The following C1QL3 variants were observed in gnomAD, a reference collection of about 807,000 sequenced individuals.
The protein encoded by C1QL3 is complement C1q like 3.
A neutral mutation model predicts 16.6 loss-of-function variants in C1QL3; 4 were observed. The observed-to-expected ratio is 0.24, with a 90% CI of 0.12 to 0.55. The LOEUF is 0.55. Among genes scored for constraint, C1QL3 ranks in the 20% least tolerant of loss-of-function variants. The pLI is 0.94. For missense variants in C1QL3, 269 were observed against 365.6 expected (o/e 0.74, Z 2.16); for synonymous variants, 189 against 160.2 (o/e 1.18, Z -1.36).
In C1QL3 at chr10:16,514,479, T is replaced by A. The variant is rs1372755383; in HGVS notation, c.*49A>T. The A allele has an allele frequency of 6.5e-7, 1 of 1,527,068 alleles. No homozygotes were observed. The highest frequency in any genetic ancestry group is 1.4e-5 in the African/African-American group (1 of 73,028). The allele number at this position is 1,527,068 out of a possible 1,614,324, so 94.6% of individuals were successfully genotyped here. ...ATCCTTGATTCACTGACGTTAGCCA[T>A]ACGAATCCAGTGTTCAAACTCAGAA... On this transcript the variant is annotated 3_prime_UTR_variant, in exon 2 of 2. Transcript: ENST00000298943.
Position 16,521,648 on chromosome 10 carries a change from C to CT in C1QL3, c.-584dup, listed in dbSNP as rs1837045961. 1 of 152,240 alleles carries CT rather than the reference C, an allele frequency of 6.6e-6. No homozygotes were observed. The highest frequency in any genetic ancestry group is 2.4e-5 in the African/African-American group (1 of 41,360). 9.4% of individuals were successfully genotyped at this position (152,240 alleles called of 1,614,324 possible). A position where few individuals can be genotyped will look rare whatever the true frequency, so the allele number is the denominator to read the frequency against. ...TTATTGCCTCCTTTCTCTCTTCCTCCTTTGCCACCACCACAACTCGAATAG... is the reference window on the plus strand; with the variant it reads ...TTATTGCCTCCTTTCTCTCTTCCTCCTTTTGCCACCACCACAACTCGAATAG... On this transcript the variant is annotated 5_prime_UTR_variant, in exon 1 of 2. Coordinates refer to ENST00000298943, the MANE Select transcript of C1QL3 (RefSeq NM_001010908.2).
rs1343749413 is a variant in C1QL3 at position 16,521,316 on chromosome 10, G to A, written c.-251C>T. ...GGAGCGCGGGCGCCCAGTGACTTGA[G>A]CCGAAGTCCCGAGCCCGGGGTGGGG... is the stretch of plus-strand genomic sequence containing the variant. On this transcript the variant is annotated 5_prime_UTR_variant, in exon 1 of 2. Coordinates refer to ENST00000298943, the MANE Select transcript of C1QL3 (RefSeq NM_001010908.2). The A allele has an allele frequency of 2.3e-6, 1 of 427,340 alleles. No homozygotes were observed. The highest frequency in any genetic ancestry group is 4.1e-6 in the Non-Finnish European group (1 of 242,378). 26.5% of individuals were successfully genotyped at this position (427,340 alleles called of 1,614,324 possible). A position where few individuals can be genotyped will look rare whatever the true frequency, so the allele number is the denominator to read the frequency against.
Position 16,521,004 on chromosome 10 carries a change from T to C in C1QL3, c.62A>G (p.His21Arg), listed in dbSNP as rs758693983. The C allele has an allele frequency of 6.3e-7, 1 of 1,597,954 alleles. No homozygotes were observed. The highest frequency in any genetic ancestry group is 8.5e-7 in the Non-Finnish European group (1 of 1,177,966). Reference protein sequence around the residue: ...VLVSSAGTSAHYEMLGTCRMV... With the variant: ...VLVSSAGTSARYEMLGTCRMV... Reference sequence around the variant, plus strand: ...GCGGCAGGTGCCCAGCATCTCGTAGTGCGCCGACGTGCCGGCCGAGCTCAC... The same window carrying C: ...GCGGCAGGTGCCCAGCATCTCGTAGCGCGCCGACGTGCCGGCCGAGCTCAC... The change falls in exon 1 of 2, where the codon CAC becomes CGC. Residue 21 changes from histidine (H) to arginine (R), a missense_variant. By Grantham distance (29) the His-to-Arg change is conservative. Around this residue, in one of 2 missense-constraint regions of C1QL3, gnomAD observed 246 missense variants for 297.2 expected, o/e 0.83. Coordinates refer to ENST00000298943, the MANE Select transcript of C1QL3 (RefSeq NM_001010908.2).
rs1588642263 is a variant in C1QL3, at chr10:16,520,352, T to C, written c.588+126A>G. 1 of 740,726 alleles carries C rather than the reference T, an allele frequency of 1.4e-6. No individual in the cohort carries two copies. The highest frequency in any genetic ancestry group is 2.1e-6 in the Non-Finnish European group (1 of 470,586). The allele number at this position is 740,726 out of a possible 1,614,324, so 45.9% of individuals were successfully genotyped here. On this transcript the variant is annotated intron_variant, in intron 1 of 1. Coordinates refer to ENST00000298943, the MANE Select transcript of C1QL3 (RefSeq NM_001010908.2). This position sits in a 1 kb window ranked among gnomAD's most constrained non-coding sequence, Gnocchi z 8.3. Reference sequence around the variant, plus strand: ...GGACGGCGTCCCCCCTTGCCGTCGCTCCAGGGAGCCCGGCCGCCGCGCCCT... The same window carrying C: ...GGACGGCGTCCCCCCTTGCCGTCGCCCCAGGGAGCCCGGCCGCCGCGCCCT...
Position 16,514,350 on chromosome 10 carries a change from T to C in C1QL3, c.*178A>G. 1 of 597,624 alleles carries C rather than the reference T, an allele frequency of 1.7e-6. No individual in the cohort carries two copies. Among genetic ancestry groups the C allele is most frequent in the Non-Finnish European group, 3.0e-6 (1 of 338,978 alleles). The allele number at this position is 597,624 out of a possible 1,614,324, so 37.0% of individuals were successfully genotyped here. A position where few individuals can be genotyped will look rare whatever the true frequency, so the allele number is the denominator to read the frequency against. ...CACACATCTGCTTATCTTGCTTTGA[T>C]ATTTTTTACATAATGTTTCTGAGTG... On this transcript the variant is annotated 3_prime_UTR_variant, in exon 2 of 2. Transcript: ENST00000298943.
Position 16,520,882 on chromosome 10 carries a change from G to A in C1QL3, c.184C>T (p.Pro62Ser). Residue 62 changes from proline (P) to serine (S), a missense_variant, in exon 1 of 2, where the codon CCC (proline) becomes TCC (serine). Coordinates refer to ENST00000298943, the MANE Select transcript of C1QL3 (RefSeq NM_001010908.2). This position sits in a 1 kb window ranked among gnomAD's most constrained non-coding sequence, Gnocchi z 8.3. Reference sequence around the variant, plus strand: ...CCGGGCCTGCCGGCCTCGCCTTTGGGGCCCTGGATGAAGGTGGGCAGGGAC... The same window carrying A: ...CCGGGCCTGCCGGCCTCGCCTTTGGAGCCCTGGATGAAGGTGGGCAGGGAC... The part of the protein sequence containing the change: ...MQSLPTFIQG[P>S]KGEAGRPGKA... 1 of 1,508,084 alleles carries A rather than the reference G, an allele frequency of 6.6e-7. No homozygotes were observed. The highest frequency in any genetic ancestry group is 8.8e-7 in the Non-Finnish European group (1 of 1,135,056). 93.4% of individuals were successfully genotyped at this position (1,508,084 alleles called of 1,614,324 possible).
chr10:16,515,526 C>G (rs932063792), intron 1 of C1QL3, among the ~76,000 whole-genome samples: 1 of 152,142 alleles, frequency 6.6e-6, no homozygotes, highest in Non-Finnish European at 1.5e-5. Context: ...TCCACTTACA[C>G]TTAGGAGATT....
In C1QL3 at chr10:16,514,717, A is replaced by G; in HGVS notation, c.589-10T>C. ...TTGCACTAGCACGCACCTATGTGAA[A>G]CAGACAAGAATTAGGATGCGTAAAT... On this transcript the variant is annotated splice_polypyrimidine_tract_variant and intron_variant, in intron 1 of 1. Transcript: ENST00000298943. 1 of 1,599,500 alleles carries G rather than the reference A, an allele frequency of 6.3e-7. No homozygotes were observed. The highest frequency in any genetic ancestry group is 8.5e-7 in the Non-Finnish European group (1 of 1,173,134).
chr10:16,519,125 C>T (rs1256771395), intron 1 of C1QL3, among the ~76,000 whole-genome samples: 1 of 45,336 alleles, frequency 2.2e-5, no homozygotes, highest in Non-Finnish European at 4.3e-5. Flanking sequence ...TTTTTTCTCT[C>T]TTACGCATTT....
chr10:16,520,929 G>C lies in C1QL3; in HGVS notation c.137C>G (p.Thr46Arg), dbSNP rs1239493073. ...GGTKAPSTAA[T>R]PDRGLMQSLP... Reference sequence around the variant, plus strand: ...GGACTGCATGAGGCCGCGGTCGGGCGTGGCAGCGGTGCTGGGCGCCTTGGT... The same window carrying C: ...GGACTGCATGAGGCCGCGGTCGGGCCTGGCAGCGGTGCTGGGCGCCTTGGT... The change falls in exon 1 of 2, where the codon ACG becomes AGG. Residue 46 changes from threonine to arginine, a missense_variant. By Grantham distance (71) the Thr-to-Arg change is moderately conservative. Transcript: ENST00000298943. The surrounding 1 kb of genome is among the most constrained non-coding windows in gnomAD (Gnocchi z 8.3). 6.4e-7 allele frequency: 1 copy of C among 1,565,818 alleles called. No individual in the cohort carries two copies. Among genetic ancestry groups the C allele is most frequent in the Admixed American group, 1.8e-5 (1 of 55,044 alleles).
In C1QL3 at chr10:16,521,317, C is replaced by T; in HGVS notation, c.-252G>A. 1 of 425,498 alleles carries T rather than the reference C, an allele frequency of 2.4e-6. No homozygotes were observed. Among genetic ancestry groups the T allele is most frequent in the Non-Finnish European group, 4.1e-6 (1 of 241,010 alleles). 26.4% of individuals were successfully genotyped at this position (425,498 alleles called of 1,614,324 possible). On this transcript the variant is annotated 5_prime_UTR_variant, in exon 1 of 2. Coordinates refer to ENST00000298943, the MANE Select transcript of C1QL3 (RefSeq NM_001010908.2). ...GAGCGCGGGCGCCCAGTGACTTGAGCCGAAGTCCCGAGCCCGGGGTGGGGG... is the reference window on the plus strand; with the variant it reads ...GAGCGCGGGCGCCCAGTGACTTGAGTCGAAGTCCCGAGCCCGGGGTGGGGG...
At chr10:16,519,111 T>C (rs1420281820) in intron 1 of C1QL3, among the ~76,000 whole-genome samples, 2 of 145,990 alleles carry the variant, frequency 1.4e-5, no homozygotes, top group Non-Finnish European at 3.0e-5. Context: ...GGACGTTTTT[T>C]GTCTTTTTTC....
Position 16,515,000 on chromosome 10 carries a change from C to T in C1QL3, c.589-293G>A, listed in dbSNP as rs139836285. 3.8e-3 allele frequency among the ~76,000 whole-genome samples: 571 copies of T among 152,216 alleles called. 5 individuals carry two copies. The highest frequency in any genetic ancestry group is 0.013 in the African/African-American group (549 of 41,554). Reference sequence around the variant, plus strand: ...CAATTTATTATCTTCCTGTATCACTCGTTTTTCTAACTCCTTCGATCCCTA... The same window carrying T: ...CAATTTATTATCTTCCTGTATCACTTGTTTTTCTAACTCCTTCGATCCCTA... On this transcript the variant is annotated intron_variant, in intron 1 of 1. Coordinates refer to ENST00000298943, the MANE Select transcript of C1QL3 (RefSeq NM_001010908.2).
rs2133543601 is a variant in C1QL3 at position 16,521,231 on chromosome 10, T to C, written c.-166A>G. On this transcript the variant is annotated 5_prime_UTR_variant, in exon 1 of 2. Coordinates refer to ENST00000298943, the MANE Select transcript of C1QL3 (RefSeq NM_001010908.2). ...CTGCGAACCCCAACTCCCCTGGGCG[T>C]GCGTGCGCCGGCCGCTGCTGCCGAC... 1 of 605,806 alleles carries C rather than the reference T, an allele frequency of 1.7e-6. No homozygotes were observed. The highest frequency in any genetic ancestry group is 3.3e-5 in the East Asian group (1 of 30,176). The allele number at this position is 605,806 out of a possible 1,614,324, so 37.5% of individuals were successfully genotyped here.
At chr10:16,518,648 T>C (rs1212812514) in intron 1 of C1QL3, among the ~76,000 whole-genome samples, 1 of 152,244 alleles carries the variant, frequency 6.6e-6, no homozygotes, top group Non-Finnish European at 1.5e-5. Flanking sequence ...ATCCCTTCTT[T>C]TTTCATGCAA....
Position 16,521,176 on chromosome 10 carries a change from G to T in C1QL3, c.-111C>A. 9.4e-7 allele frequency: 1 copy of T among 1,059,922 alleles called. No individual in the cohort carries two copies. Among genetic ancestry groups the T allele is most frequent in the Non-Finnish European group, 1.4e-6 (1 of 735,184 alleles). The allele number at this position is 1,059,922 out of a possible 1,614,324, so 65.7% of individuals were successfully genotyped here. Reference sequence around the variant, plus strand: ...TTGGACAGAATTTTGAAGGTTGGGCGGGGACCTCTTCAGAGCCGAAAACAA... The same window carrying T: ...TTGGACAGAATTTTGAAGGTTGGGCTGGGACCTCTTCAGAGCCGAAAACAA... On this transcript the variant is annotated 5_prime_UTR_variant, in exon 1 of 2. Coordinates refer to ENST00000298943, the MANE Select transcript of C1QL3 (RefSeq NM_001010908.2).
chr10:16,514,857 T>C, intron 1 of C1QL3, 150 bp from the exon 2 acceptor site: 1 of 625,764 alleles, frequency 1.6e-6, no homozygotes. Flanking sequence ...TTTATGAGGA[T>C]AGTGCTGTGG....
intron 1 of C1QL3, among the ~76,000 whole-genome samples, chr10:16,519,941 G>T (rs1837013757): frequency 1.3e-5 from 2 of 152,126 alleles, no homozygotes; most frequent in South Asian, 4.1e-4. Flanking sequence ...ACTCGGCGAC[G>T]GCGAGCCCCA....
chr10:16,519,909 C>A (rs9787719), intron 1 of C1QL3, among the ~76,000 whole-genome samples: 50,716 of 152,074 alleles, frequency 0.33, 8,558 homozygotes, highest in South Asian at 0.46. Flanking sequence ...ATGTGAGTTT[C>A]ACGGCCTGGG....
Sources: allele counts gnomAD v4.1 joint callset (sites outside exome capture counted in the v4.1 genomes callset), GRCh38; gene constraint gnomAD v4.1.1; regional missense constraint gnomAD v4.1.1; non-coding constraint Gnocchi (gnomAD v3.1); transcripts MANE v1.5; gene names NCBI Gene and HGNC (gene_info 2026-07-23, HGNC 2026-07-21).